The following CEP63 variants were observed in gnomAD, a reference collection of about 807,000 sequenced individuals.
CEP63 encodes centrosomal protein of 63 kDa.
CEP63 carries 84 observed loss-of-function variants against 89.1 expected under a neutral mutation model. The ratio of observed to expected loss-of-function variants is 0.94; its 90% CI spans 0.79 to 1.13. The LOEUF (loss-of-function observed/expected upper bound fraction) is 1.13, where lower values mean the gene tolerates loss of function less well. Among genes scored for constraint, CEP63 ranks in the 50% most tolerant of loss-of-function variants. CEP63 has a pLI of 0.00. For synonymous variants in CEP63, 267 were observed against 272.5 expected (o/e 0.98, Z 0.20); for missense variants, 838 against 813.3 (o/e 1.03, Z -0.37).
At chr3:134,494,704 A>T (rs186439018) in intron 1 of CEP63, among the ~76,000 whole-genome samples, 22 of 152,258 alleles carry the variant, frequency 1.4e-4, no homozygotes, top group African/African-American at 4.1e-4. Flanking sequence ...TGCAACTCCT[A>T]TGAAAGAACG....
At chr3:134,555,374 C>G (rs1955917566) in intron 12 of CEP63, among the ~76,000 whole-genome samples, 1 of 151,892 alleles carries the variant, frequency 6.6e-6, no homozygotes, top group South Asian at 2.1e-4. Context: ...CTAGAAAACC[C>G]CATTGTCTCA....
the CEP63 span, among the ~76,000 whole-genome samples, chr3:134,703,295 CAAAAAA>C: frequency 1.3e-5 from 1 of 77,618 alleles, no homozygotes; most frequent in Admixed American, 1.5e-4. Flanking sequence ...GACTCCGTCT[CAAAAAA>C]AAAAAAAAAA....
intron 14 of CEP63, among the ~76,000 whole-genome samples, chr3:134,560,445 A>C (rs929538003): frequency 7.2e-5 from 11 of 152,352 alleles, no homozygotes; most frequent in Admixed American, 5.2e-4. Flanking sequence ...ACCGACTTGC[A>C]CAATCCCAGC....
the CEP63 span, among the ~76,000 whole-genome samples, chr3:134,663,236 A>G: frequency 2.0e-5 from 3 of 152,194 alleles, no homozygotes; most frequent in Admixed American, 1.3e-4. Context: ...GGTACCACCA[A>G]ACTGTCCCCT....
chr3:134,670,721 C>T, the CEP63 span, among the ~76,000 whole-genome samples: 3 of 152,158 alleles, frequency 2.0e-5, no homozygotes, highest in Non-Finnish European at 2.9e-5. Context: ...CAGGTCAGAT[C>T]ATGTACATGG....
downstream of CEP63, among the ~76,000 whole-genome samples, chr3:134,569,404 A>AT (rs1957926746): frequency 6.6e-6 from 1 of 152,222 alleles, no homozygotes; most frequent in Non-Finnish European, 1.5e-5. Flanking sequence ...GGGTAAATAT[A>AT]CCCATTCCAA....
the CEP63 span, among the ~76,000 whole-genome samples, chr3:134,623,429 A>G: frequency 1.3e-5 from 2 of 151,968 alleles, no homozygotes; most frequent in African/African-American, 2.4e-5. Flanking sequence ...CTCCTGCTTC[A>G]GCCTTCTCTA....
the CEP63 span, among the ~76,000 whole-genome samples, chr3:134,619,773 G>T: frequency 6.6e-6 from 1 of 152,216 alleles, no homozygotes; most frequent in Non-Finnish European, 1.5e-5. Flanking sequence ...AGTCTCTGTA[G>T]CTATTGAGGA....
At chr3:134,542,456 C>G (rs1952236535) in intron 6 of CEP63, among the ~76,000 whole-genome samples, 1 of 152,146 alleles carries the variant, frequency 6.6e-6, no homozygotes, top group African/African-American at 2.4e-5. Flanking sequence ...GCTCTTTAGG[C>G]TGCTCTCTAG....
intron 12 of CEP63, among the ~76,000 whole-genome samples, chr3:134,557,707 G>T (rs1341088849): frequency 6.6e-6 from 1 of 152,110 alleles, no homozygotes. Context: ...AGTTGTCCCT[G>T]CCAGCCAGAA....
chr3:134,731,223 T>C, the CEP63 span, among the ~76,000 whole-genome samples: 3 of 152,188 alleles, frequency 2.0e-5, no homozygotes, highest in African/African-American at 4.8e-5. Flanking sequence ...AGTCAACACA[T>C]GTTTTTAACC....
At chr3:134,553,261 C>A (rs1029505050) in intron 12 of CEP63, 3 of 152,010 alleles carry the variant, frequency 2.0e-5, no homozygotes, top group Admixed American at 1.3e-4. Flanking sequence ...CTTATTTCAA[C>A]TGGAAAAATG....
intron 3 of CEP63, among the ~76,000 whole-genome samples, chr3:134,529,021 C>A (rs6805568): frequency 0.99 from 150,136 of 152,320 alleles, 74,033 homozygotes; most frequent in Middle Eastern, 1. Context: ...TAGAAAAGAC[C>A]AACTATGAAG....
chr3:134,608,871 C>T, the CEP63 span: 1 of 1,583,510 alleles, frequency 6.3e-7, no homozygotes, highest in Non-Finnish European at 8.6e-7. Flanking sequence ...TAGCAGCCAG[C>T]TCCATGCAGG....
chr3:134,769,074 T>G, the CEP63 span, among the ~76,000 whole-genome samples: 1 of 152,272 alleles, frequency 6.6e-6, no homozygotes, highest in African/African-American at 2.4e-5. Flanking sequence ...ACTCACAAAG[T>G]AGAAGCGCTT....
At chr3:134,496,724 C>T (rs952249391) in intron 2 of CEP63, among the ~76,000 whole-genome samples, 7 of 152,170 alleles carry the variant, frequency 4.6e-5, no homozygotes, top group African/African-American at 7.2e-5. Flanking sequence ...AGGTGAACAT[C>T]GGGTCCCTGT....
rs141287274 is a variant in CEP63, at chr3:134,523,888, A to G, written c.223-7957A>G. 9.7e-3 allele frequency among the ~76,000 whole-genome samples: 1,478 copies of G among 152,196 alleles called. 11 individuals are homozygous for G. The highest frequency in any genetic ancestry group is 0.014 in the Non-Finnish European group (965 of 68,002). ...GCTATTCAGGCTCTTTTTTGGTTCC[A>G]TATGAATTTTAAAATAGTTTTTCCT... is the stretch of plus-strand genomic sequence containing the variant. On this transcript the variant is annotated intron_variant, in intron 3 of 14. Transcript: ENST00000675561.
At chr3:134,748,978 G>C in the CEP63 span, among the ~76,000 whole-genome samples, 3,228 of 152,222 alleles carry the variant, frequency 0.021, 105 homozygotes, top group African/African-American at 0.073. Context: ...GGAACCACTT[G>C]CAGGTGGGAA....
At chr3:134,630,085 G>T in the CEP63 span, among the ~76,000 whole-genome samples, 1 of 152,206 alleles carries the variant, frequency 6.6e-6, no homozygotes, top group African/African-American at 2.4e-5. Context: ...ATCTAGACTG[G>T]ACTTAAAGGC....
Sources: gnomAD v4.1 joint callset for allele counts (sites outside exome capture counted in the v4.1 genomes callset) on GRCh38, gnomAD v4.1.1 for gene constraint, MANE v1.5 for transcripts, NCBI Gene and HGNC (gene_info 2026-07-23, HGNC 2026-07-21) for gene names.